Variants in ABAT observed in about 807,000 individuals in gnomAD.
The protein encoded by ABAT is 4-aminobutyrate aminotransferase, mitochondrial.
A neutral mutation model predicts 64.6 loss-of-function variants in ABAT; 45 were observed. That is an observed-to-expected ratio of 0.70 (90% confidence interval 0.55 to 0.89). The LOEUF is 0.89. Ranked by LOEUF, ABAT falls within the 40% of genes least tolerant of loss-of-function variation. ABAT has a pLI of 0.00. For synonymous variants in ABAT, 297 were observed against 250.5 expected (o/e 1.19, Z -1.75); for missense variants, 633 against 658.4 (o/e 0.96, Z 0.42).
intron 3 of ABAT, among the ~76,000 whole-genome samples, chr16:8,747,593 A>G (rs2059369982): frequency 1.3e-5 from 2 of 152,164 alleles, no homozygotes; most frequent in Non-Finnish European, 2.9e-5. Context: ...TCTATTTTAT[A>G]TTGAATTACT....
intron 1 of ABAT, among the ~76,000 whole-genome samples, chr16:8,681,125 G>T (rs1252780606): frequency 6.6e-6 from 1 of 151,608 alleles, no homozygotes; most frequent in Admixed American, 6.6e-5. Flanking sequence ...GGCACAACAG[G>T]TGCCACCACA....
intron 5 of ABAT, among the ~76,000 whole-genome samples, chr16:8,754,868 G>C (rs1015398936): frequency 1.3e-5 from 2 of 151,868 alleles, no homozygotes; most frequent in South Asian, 2.1e-4. Flanking sequence ...ACAGGCACCT[G>C]CCACCACGCT....
chr16:8,757,103 T>C (rs965804902), intron 5 of ABAT: 5 of 453,246 alleles, frequency 1.1e-5, no homozygotes, highest in African/African-American at 1.0e-4. Flanking sequence ...AATCCAGCAC[T>C]AGGGCCTGTT....
rs1567321078 is a variant in ABAT, at chr16:8,781,476, G to C, written c.*46G>C. The C allele has an allele frequency of 6.2e-7, 1 of 1,611,370 alleles. No individual in the cohort carries two copies. Among genetic ancestry groups the C allele is most frequent in the Non-Finnish European group, 8.5e-7 (1 of 1,178,156 alleles). The stretch of plus-strand genomic sequence containing the variant: ...TGAGAAAGCCCGGATCCCAACAGTT[G>C]TCAAATTGATTAGTTTGCCTAATTC... On this transcript the variant is annotated 3_prime_UTR_variant, in exon 16 of 16. Coordinates refer to ENST00000268251, the MANE Select transcript of ABAT (RefSeq NM_020686.6). This position sits in a 1 kb window ranked among gnomAD's most constrained non-coding sequence, Gnocchi z 4.5.
At chr16:8,738,136 C>T (rs1262210381) in intron 2 of ABAT, among the ~76,000 whole-genome samples, 1 of 151,260 alleles carries the variant, frequency 6.6e-6, no homozygotes, top group African/African-American at 2.4e-5. Context: ...GCCTGGGCAA[C>T]ATAGGGAGAC....
chr16:8,733,387 A>T (rs1314248806), intron 1 of ABAT, among the ~76,000 whole-genome samples: 2 of 145,850 alleles, frequency 1.4e-5, no homozygotes, highest in Non-Finnish European at 3.0e-5. Flanking sequence ...ATCCCAGACG[A>T]TGGGCGGCCA....
intron 1 of ABAT, among the ~76,000 whole-genome samples, chr16:8,724,118 A>C (rs1362920882): frequency 1.3e-5 from 2 of 151,680 alleles, no homozygotes; most frequent in East Asian, 3.9e-4. Flanking sequence ...TGGGATTCCA[A>C]GTGTGAGCCA....
rs2059889196 is a variant in ABAT at position 8,764,592 on chromosome 16, C to T, written c.448-146C>T. The T allele has an allele frequency of 3.7e-6, 3 of 800,108 alleles. No homozygotes were observed. Among genetic ancestry groups the T allele is most frequent in the South Asian group, 2.9e-5 (2 of 68,066 alleles). 49.6% of individuals were successfully genotyped at this position (800,108 alleles called of 1,614,324 possible). A position where few individuals can be genotyped will look rare whatever the true frequency, so the allele number is the denominator to read the frequency against. ...CGCCACCCCTGGAAAAGCCTGAGCC[C>T]ACCCTCCCAGTCCGACACCTTCCAG... is the stretch of plus-strand genomic sequence containing the variant. On this transcript the variant is annotated intron_variant, in intron 7 of 15. Transcript: ENST00000268251. This position sits in a 1 kb window ranked among gnomAD's most constrained non-coding sequence, Gnocchi z 4.2.
In ABAT at chr16:8,781,509, C is replaced by G; in HGVS notation, c.*79C>G. ...GATTAGTTTGCCTAATTCATGTTTT[C>G]ACTTAAAAGTATCAGAGGTGAATGC... On this transcript the variant is annotated 3_prime_UTR_variant, in exon 16 of 16. Coordinates refer to ENST00000268251, the MANE Select transcript of ABAT (RefSeq NM_020686.6). The surrounding 1 kb of genome is among the most constrained non-coding windows in gnomAD (Gnocchi z 4.5). 6.4e-7 allele frequency: 1 copy of G among 1,550,598 alleles called. No homozygotes were observed. Among genetic ancestry groups the G allele is most frequent in the Non-Finnish European group, 8.8e-7 (1 of 1,137,516 alleles).
intron 1 of ABAT, among the ~76,000 whole-genome samples, chr16:8,727,472 C>T (rs769479506): frequency 6.6e-6 from 1 of 152,188 alleles, no homozygotes; most frequent in Non-Finnish European, 1.5e-5. Flanking sequence ...GCAGCTCAGG[C>T]AACACCTCCC....
chr16:8,739,373 G>A (rs1462775715), intron 2 of ABAT, among the ~76,000 whole-genome samples: 1 of 152,128 alleles, frequency 6.6e-6, no homozygotes, highest in East Asian at 1.9e-4. Context: ...CAGGAAAACG[G>A]GTCTAATAAT....
intron 6 of ABAT, among the ~76,000 whole-genome samples, chr16:8,761,591 C>G (rs935083297): frequency 7.9e-5 from 12 of 152,212 alleles, no homozygotes; most frequent in African/African-American, 2.9e-4. Flanking sequence ...TGCAGAGGAA[C>G]TGGGTTTGAG....
At chr16:8,680,815 C>G (rs1475118405) in intron 1 of ABAT, among the ~76,000 whole-genome samples, 1 of 152,164 alleles carries the variant, frequency 6.6e-6, no homozygotes, top group Non-Finnish European at 1.5e-5. Flanking sequence ...TCCCTAATGA[C>G]TGATGGCATT....
At chr16:8,681,009 A>C (rs2057321057) in intron 1 of ABAT, among the ~76,000 whole-genome samples, 1 of 144,320 alleles carries the variant, frequency 6.9e-6, no homozygotes, top group African/African-American at 2.6e-5. Flanking sequence ...ACAGAGTCTC[A>C]CCCTGTCTGT....
chr16:8,775,148 G>C (rs1297783257), intron 13 of ABAT, 91 bp downstream of exon 13: 14 of 1,565,768 alleles, frequency 8.9e-6, no homozygotes, highest in Non-Finnish European at 1.1e-5. Flanking sequence ...TCGAGGAGCT[G>C]GGTGGGCACT....
chr16:8,751,248 C>T (rs1014708293), intron 5 of ABAT, among the ~76,000 whole-genome samples: 2 of 152,060 alleles, frequency 1.3e-5, no homozygotes, highest in African/African-American at 4.8e-5. Context: ...TATACCCAGC[C>T]TAATTTTTTT....
chr16:8,688,392 G>A (rs1364155688), intron 1 of ABAT, among the ~76,000 whole-genome samples: 1 of 152,156 alleles, frequency 6.6e-6, no homozygotes, highest in East Asian at 1.9e-4. Flanking sequence ...CAAACATGGG[G>A]TTATTGGAGG....
At chr16:8,711,144 T>A (rs1162776750) in intron 1 of ABAT, among the ~76,000 whole-genome samples, 1 of 152,174 alleles carries the variant, frequency 6.6e-6, no homozygotes, top group African/African-American at 2.4e-5. Flanking sequence ...TTTTACAGAT[T>A]TTGACAAATT....
intron 1 of ABAT, among the ~76,000 whole-genome samples, chr16:8,719,195 T>C (rs1208288839): frequency 6.6e-6 from 1 of 152,144 alleles, no homozygotes; most frequent in Non-Finnish European, 1.5e-5. Context: ...GCAGAAAGCA[T>C]TTATTGAACT....
Sources: gnomAD v4.1 joint callset for allele counts (sites outside exome capture counted in the v4.1 genomes callset) on GRCh38, gnomAD v4.1.1 for gene constraint, Gnocchi (gnomAD v3.1) non-coding constraint, MANE v1.5 for transcripts, NCBI Gene and HGNC (gene_info 2026-07-23, HGNC 2026-07-21) for gene names.